XKR9: variants seen among roughly 807,000 people sequenced by gnomAD.
XKR9 encodes XK related 9.
A neutral mutation model predicts 32.0 loss-of-function variants in XKR9; 32 were observed. The observed-to-expected ratio is 1.00, with a 90% CI of 0.76 to 1.34. The LOEUF is 1.34. XKR9 is among the 40% of genes most tolerant of loss of function. The probability of loss-of-function intolerance (pLI) is 0.00; values close to 1 mark genes in which losing one functional copy is unlikely to be tolerated. For synonymous variants in XKR9, 168 were observed against 143.4 expected (o/e 1.17, Z -1.22); for missense variants, 546 against 429.7 (o/e 1.27, Z -2.39).
chr8:70,975,448 T>A, the XKR9 span, among the ~76,000 whole-genome samples: 2 of 152,198 alleles, frequency 1.3e-5, no homozygotes, highest in African/African-American at 4.8e-5. Flanking sequence ...CCAGTTTCAG[T>A]TTTCTATAAA....
the XKR9 span, among the ~76,000 whole-genome samples, chr8:71,050,245 A>ATC: frequency 1.6e-5 from 2 of 124,404 alleles, no homozygotes; most frequent in African/African-American, 7.3e-5. Context: ...AGATATATAT[A>ATC]TATATATATA....
the XKR9 span, among the ~76,000 whole-genome samples, chr8:70,995,500 C>T: frequency 4.5e-3 from 682 of 152,184 alleles, 5 homozygotes; most frequent in Non-Finnish European, 7.5e-3. Flanking sequence ...TTCTTAAAAC[C>T]GAGTCATGAA....
chr8:70,981,756 T>C, the XKR9 span, among the ~76,000 whole-genome samples: 1 of 152,232 alleles, frequency 6.6e-6, no homozygotes. Context: ...TGGTTCCTTC[T>C]CGTTTGTGTA....
At chr8:70,793,688 T>A (rs543582479), downstream of XKR9, among the ~76,000 whole-genome samples, 2 of 152,330 alleles carry the variant, frequency 1.3e-5, no homozygotes, top group African/African-American at 4.8e-5. Context: ...ATTTCTGGAC[T>A]TACAATTATA....
intron 4 of XKR9, among the ~76,000 whole-genome samples, chr8:70,730,842 A>G (rs1806640917): frequency 6.6e-6 from 1 of 152,234 alleles, no homozygotes; most frequent in Non-Finnish European, 1.5e-5. Context: ...TAAAGCAGCC[A>G]ATTTCAAGCT....
the XKR9 span, among the ~76,000 whole-genome samples, chr8:70,893,284 T>G: frequency 6.6e-6 from 1 of 152,362 alleles, no homozygotes; most frequent in South Asian, 2.1e-4. Flanking sequence ...TTTCTTATAT[T>G]TCATTGAGTT....
At chr8:70,728,629 A>T (rs931415695) in intron 4 of XKR9, among the ~76,000 whole-genome samples, 3 of 152,208 alleles carry the variant, frequency 2.0e-5, no homozygotes, top group Non-Finnish European at 2.9e-5. Flanking sequence ...TGCAGAAAAA[A>T]ACTCAAGAAC....
At chr8:70,848,869 G>A in the XKR9 span, among the ~76,000 whole-genome samples, 36 of 151,804 alleles carry the variant, frequency 2.4e-4, no homozygotes, top group African/African-American at 8.5e-4. Context: ...TTACATAATG[G>A]TAAAGGGATC....
the XKR9 span, among the ~76,000 whole-genome samples, chr8:70,854,399 T>A: frequency 2.0e-4 from 31 of 152,312 alleles, no homozygotes; most frequent in Middle Eastern, 3.4e-3. Flanking sequence ...TTTGTTTGAG[T>A]TCATTGTAGA....
intron 2 of XKR9, among the ~76,000 whole-genome samples, chr8:70,759,149 C>A (rs1807270835): frequency 6.6e-6 from 1 of 152,112 alleles, no homozygotes; most frequent in South Asian, 2.1e-4. Flanking sequence ...AGTTTTTCAT[C>A]AAAAATGGGT....
downstream of XKR9, among the ~76,000 whole-genome samples, chr8:70,736,900 G>T (rs533202618): frequency 1.3e-5 from 2 of 151,944 alleles, no homozygotes; most frequent in Non-Finnish European, 2.9e-5. Context: ...GTCAGGTAGC[G>T]TGATGCCTCC....
intron 3 of XKR9, among the ~76,000 whole-genome samples, chr8:70,700,360 G>C (rs1805474815): frequency 6.6e-6 from 1 of 152,086 alleles, no homozygotes; most frequent in Admixed American, 6.5e-5. Context: ...ATGGGTTTTT[G>C]GTGTGGATGT....
the XKR9 span, among the ~76,000 whole-genome samples, chr8:70,846,539 C>T: frequency 6.6e-6 from 1 of 151,896 alleles, no homozygotes; most frequent in East Asian, 1.9e-4. Context: ...CAATAAACAA[C>T]CTTGAATGTA....
chr8:70,853,879 A>G, the XKR9 span, among the ~76,000 whole-genome samples: 1 of 152,190 alleles, frequency 6.6e-6, no homozygotes, highest in Non-Finnish European at 1.5e-5. Context: ...ATGGCTGCAT[A>G]GTATTCCATG....
At chr8:70,855,459 A>T in the XKR9 span, among the ~76,000 whole-genome samples, 1 of 152,322 alleles carries the variant, frequency 6.6e-6, no homozygotes, top group Non-Finnish European at 1.5e-5. Context: ...CAAAGCCTCC[A>T]ACAAATATGG....
At chr8:70,710,725 A>C (rs183946764) in intron 4 of XKR9, among the ~76,000 whole-genome samples, 24 of 150,922 alleles carry the variant, frequency 1.6e-4, no homozygotes, top group Middle Eastern at 6.8e-3. Context: ...ACAACAACAA[A>C]AACAAATAAA....
chr8:70,763,001 GC>G (rs1563472412), intron 2 of XKR9, among the ~76,000 whole-genome samples: 2 of 152,118 alleles, frequency 1.3e-5, no homozygotes, highest in African/African-American at 4.8e-5. Flanking sequence ...TGATCTAATA[GC>G]CTTGTGACCA....
the XKR9 span, among the ~76,000 whole-genome samples, chr8:71,037,405 G>T: frequency 6.6e-6 from 1 of 152,274 alleles, no homozygotes; most frequent in South Asian, 2.1e-4. Flanking sequence ...CAAACTAGTA[G>T]TTAGTTATCT....
At chr8:70,963,448 G>A in the XKR9 span, among the ~76,000 whole-genome samples, 2 of 152,114 alleles carry the variant, frequency 1.3e-5, no homozygotes, top group Non-Finnish European at 2.9e-5. Context: ...GTATCTTTAT[G>A]AAAGACTAAT....
Sources: allele counts gnomAD v4.1 joint callset (sites outside exome capture counted in the v4.1 genomes callset), GRCh38; gene constraint gnomAD v4.1.1; transcripts MANE v1.5; gene names NCBI Gene and HGNC (gene_info 2026-07-23, HGNC 2026-07-21).